IGF1R: variants seen among roughly 807,000 people sequenced by gnomAD.
The protein encoded by IGF1R is insulin like growth factor 1 receptor, also known as insulin-like growth factor 1 receptor.
In IGF1R, 44 loss-of-function variants were observed where a neutral mutation model predicts 144.6. The observed-to-expected ratio is 0.30, with a 90% CI of 0.24 to 0.39. The LOEUF (loss-of-function observed/expected upper bound fraction) is 0.39. Ranked by LOEUF, IGF1R falls within the 10% of genes least tolerant of loss-of-function variation. The pLI is 1.00. For missense variants in IGF1R, 1,355 were observed against 1,833.7 expected (o/e 0.74, Z 4.77); for synonymous variants, 795 against 722.8 (o/e 1.10, Z -1.60).
chr15:98,688,283 C>A (rs538892369), intron 1 of IGF1R, among the ~76,000 whole-genome samples: 2 of 147,216 alleles, frequency 1.4e-5, no homozygotes, highest in East Asian at 4.1e-4. Context: ...CTGTTTTCTC[C>A]CCCGCCCCTT....
At chr15:98,867,759 A>G (rs777396422) in intron 2 of IGF1R, among the ~76,000 whole-genome samples, 1 of 152,244 alleles carries the variant, frequency 6.6e-6, no homozygotes, top group Non-Finnish European at 1.5e-5. Context: ...TATATTTTTA[A>G]AGCCATTGTG....
intron 2 of IGF1R, among the ~76,000 whole-genome samples, chr15:98,761,215 A>T (rs1027833848): frequency 6.6e-6 from 1 of 152,192 alleles, no homozygotes; most frequent in African/African-American, 2.4e-5. Flanking sequence ...GTATGTGCAC[A>T]TCTGTTGTTG....
intron 1 of IGF1R, among the ~76,000 whole-genome samples, chr15:98,650,039 C>G (rs917852551): frequency 6.6e-6 from 1 of 152,100 alleles, no homozygotes; most frequent in African/African-American, 2.4e-5. Context: ...TCGCCCCTTC[C>G]ATGCGCAAGA....
At chr15:98,832,398 C>T (rs1011375489) in intron 2 of IGF1R, among the ~76,000 whole-genome samples, 1 of 152,096 alleles carries the variant, frequency 6.6e-6, no homozygotes, top group African/African-American at 2.4e-5. Context: ...AATGAATGAC[C>T]TACTGAAGGC....
At chr15:98,701,802 G>C (rs963211813) in intron 1 of IGF1R, among the ~76,000 whole-genome samples, 1 of 152,032 alleles carries the variant, frequency 6.6e-6, no homozygotes, top group African/African-American at 2.4e-5. Flanking sequence ...ATTTACATTG[G>C]GGCAACAAAA....
At chr15:98,879,788 A>T (rs1279700738) in intron 2 of IGF1R, among the ~76,000 whole-genome samples, 1 of 152,184 alleles carries the variant, frequency 6.6e-6, no homozygotes, top group African/African-American at 2.4e-5. Context: ...TTATGAATGA[A>T]AATAAAAAGG....
intron 2 of IGF1R, chr15:98,890,845 C>CA (rs2013872216): frequency 4.7e-6 from 1 of 214,618 alleles, no homozygotes; most frequent in Admixed American, 5.2e-5. Context: ...TAATCATTTT[C>CA]AAAGTAAGCA....
rs1286128196 is a variant in IGF1R at position 98,961,102 on chromosome 15, G to C, written c.*3660G>C. 8.6e-6 allele frequency: 2 copies of C among 233,426 alleles called. No individual in the cohort carries two copies. The highest frequency in any genetic ancestry group is 8.5e-6 in the Non-Finnish European group (1 of 117,964). 14.5% of individuals were successfully genotyped at this position (233,426 alleles called of 1,614,324 possible). A position where few individuals can be genotyped will look rare whatever the true frequency, so the allele number is the denominator to read the frequency against. On this transcript the variant is annotated 3_prime_UTR_variant, in exon 21 of 21. Transcript: ENST00000650285. ...GAAGGCGCTCAGGAGCCTCCTGCTG[G>C]AACGCGACCCATCTCTCCCAGGACC...
rs985495877 is a variant in IGF1R at position 98,648,846 on chromosome 15, G to A, written c.-736G>A. 1 of 148,236 alleles carries A rather than the reference G, an allele frequency of 6.7e-6. No individual in the cohort carries two copies. The highest frequency in any genetic ancestry group is 2.5e-5 in the African/African-American group (1 of 40,594). The allele number at this position is 148,236 out of a possible 1,614,324, so 9.2% of individuals were successfully genotyped here. ...CGAGCCGGAGCCCCCGCGCAGAGCA[G>A]GCGGCGGCGGGCGGGGGCCGGGCGG... On this transcript the variant is annotated 5_prime_UTR_variant, in exon 1 of 21. Transcript: ENST00000650285.
rs74032534 is a variant in IGF1R, at chr15:98,704,808, A to T, written c.95-2754A>T. On this transcript the variant is annotated intron_variant, in intron 1 of 20. Transcript: ENST00000650285. This position sits in a 1 kb window ranked among gnomAD's most constrained non-coding sequence, Gnocchi z 4.9. The stretch of plus-strand genomic sequence containing the variant: ...GAACAGCGTGCTGCACAGGGAGGAA[A>T]GACGTGGGGCAGCATTGTGGGAAGA... Among the ~76,000 whole-genome samples the T allele has an allele frequency of 0.028, 4,247 of 152,106 alleles. 200 individuals carry two copies. Among genetic ancestry groups the T allele is most frequent in the African/African-American group, 0.098 (4,049 of 41,454 alleles).
chr15:98,936,501 C>T (rs2016154452), intron 17 of IGF1R, among the ~76,000 whole-genome samples: 1 of 152,124 alleles, frequency 6.6e-6, no homozygotes, highest in Admixed American at 6.5e-5. Context: ...GTCTTTGACC[C>T]TTACTTTGCT....
intron 2 of IGF1R, among the ~76,000 whole-genome samples, chr15:98,794,559 A>G (rs2056196350): frequency 6.6e-6 from 1 of 152,200 alleles, no homozygotes; most frequent in Non-Finnish European, 1.5e-5. Context: ...AGAATTAATT[A>G]GTAAGCAAAC....
chr15:98,858,675 G>A (rs987913727), intron 2 of IGF1R, among the ~76,000 whole-genome samples: 1 of 152,192 alleles, frequency 6.6e-6, no homozygotes, highest in Admixed American at 6.5e-5. Flanking sequence ...AAACGTGGAC[G>A]AGGTCTCGCC....
intron 13 of IGF1R, among the ~76,000 whole-genome samples, chr15:98,928,287 G>A (rs942829889): frequency 2.6e-5 from 4 of 152,154 alleles, no homozygotes; most frequent in Non-Finnish European, 5.9e-5. Flanking sequence ...GTAAAGACAA[G>A]GATCAGTGAC....
chr15:98,756,298 A>G (rs1007716995), intron 2 of IGF1R, among the ~76,000 whole-genome samples: 1 of 150,386 alleles, frequency 6.6e-6, no homozygotes, highest in African/African-American at 2.4e-5. Flanking sequence ...AAAACTTCAT[A>G]GGCATCCCCT....
intron 2 of IGF1R, among the ~76,000 whole-genome samples, chr15:98,883,901 G>A (rs1162629625): frequency 6.6e-6 from 1 of 152,160 alleles, no homozygotes; most frequent in African/African-American, 2.4e-5. Context: ...CAGACAGAAG[G>A]CAGCAAAAAC....
intron 2 of IGF1R, among the ~76,000 whole-genome samples, chr15:98,799,230 C>G (rs754093890): frequency 6.6e-6 from 1 of 151,966 alleles, no homozygotes; most frequent in Non-Finnish European, 1.5e-5. Context: ...TTCGTGAGCC[C>G]CTCAAACATG....
At chr15:98,911,580 C>A in intron 7 of IGF1R, 139 bp downstream of exon 7, 1 of 1,097,542 alleles carries the variant, frequency 9.1e-7, no homozygotes, top group Non-Finnish European at 1.4e-6. Flanking sequence ...AACATCCCTA[C>A]TTCATCCTCA....
intron 2 of IGF1R, among the ~76,000 whole-genome samples, chr15:98,840,758 C>T (rs1024435582): frequency 1.3e-5 from 2 of 151,332 alleles, no homozygotes; most frequent in Non-Finnish European, 2.9e-5. Context: ...TCACTGCAGC[C>T]TCTCCCTCCC....
Sources: gnomAD v4.1 joint callset for allele counts (sites outside exome capture counted in the v4.1 genomes callset) on GRCh38, gnomAD v4.1.1 for gene constraint, Gnocchi (gnomAD v3.1) non-coding constraint, MANE v1.5 for transcripts, NCBI Gene and HGNC (gene_info 2026-07-23, HGNC 2026-07-21) for gene names.